SLC35F5: variants seen among roughly 807,000 people sequenced by gnomAD.
SLC35F5 encodes the protein HCV NS5A-transactivated protein 3.
Under a neutral mutation model 68.6 loss-of-function variants are expected in SLC35F5, and 54 were observed. The observed-to-expected ratio is 0.79, with a 90% CI of 0.63 to 0.99. The LOEUF (loss-of-function observed/expected upper bound fraction) is 0.99, where lower values mean the gene tolerates loss of function less well. Ranked by LOEUF, SLC35F5 falls within the 50% of genes least tolerant of loss-of-function variation. SLC35F5 has a pLI of 0.00. For missense variants in SLC35F5, 567 were observed against 626.9 expected (o/e 0.90, Z 1.02); for synonymous variants, 211 against 205.2 (o/e 1.03, Z -0.24).
intron 15 of SLC35F5, chr2:113,717,427 G>C (rs990186518): frequency 1.2e-5 from 2 of 165,522 alleles, no homozygotes; most frequent in African/African-American, 4.8e-5. Context: ...GAATAAAAAT[G>C]AGTTAAAACT....
intron 13 of SLC35F5, among the ~76,000 whole-genome samples, chr2:113,722,147 G>A (rs1226653308): frequency 6.6e-6 from 1 of 151,640 alleles, no homozygotes; most frequent in Non-Finnish European, 1.5e-5. Flanking sequence ...GCTAATTTTT[G>A]TATTTTTAGT....
intron 9 of SLC35F5, among the ~76,000 whole-genome samples, chr2:113,734,172 A>C (rs773698154): frequency 1.3e-5 from 2 of 152,258 alleles, no homozygotes; most frequent in African/African-American, 4.8e-5. Context: ...CCTGAGGCTT[A>C]GACAATTAGA....
intron 10 of SLC35F5, 112 bp downstream of exon 10, chr2:113,731,472 A>G: frequency 1.4e-6 from 1 of 693,762 alleles, no homozygotes; most frequent in Non-Finnish European, 2.4e-6. Flanking sequence ...AAAGTTCAAA[A>G]AAAACCCACC....
At chr2:113,738,559 G>C (rs1229712137) in intron 7 of SLC35F5, among the ~76,000 whole-genome samples, 1 of 151,900 alleles carries the variant, frequency 6.6e-6, no homozygotes, top group Non-Finnish European at 1.5e-5. Flanking sequence ...AATAAACATG[G>C]AGGTACAGAT....
intron 11 of SLC35F5, among the ~76,000 whole-genome samples, chr2:113,728,260 T>C (rs956668230): frequency 2.6e-5 from 4 of 152,240 alleles, no homozygotes; most frequent in Non-Finnish European, 5.9e-5. Flanking sequence ...TAGGTACAAG[T>C]ATTTAATCTA....
intron 4 of SLC35F5, 109 bp downstream of exon 4, chr2:113,750,316 C>A: frequency 9.1e-7 from 1 of 1,094,774 alleles, no homozygotes. Flanking sequence ...ACTCACTTAA[C>A]TGAACAACTT....
chr2:113,725,565 TAA>T (rs776545593), intron 11 of SLC35F5, 28 bp from the exon 12 acceptor site: 7 of 1,531,446 alleles, frequency 4.6e-6, no homozygotes, highest in Non-Finnish European at 6.1e-6. Flanking sequence ...AGACAAGAGT[TAA>T]AATTGATTTA....
At chr2:113,720,731 T>A (rs1365241378) in intron 13 of SLC35F5, among the ~76,000 whole-genome samples, 2 of 152,178 alleles carry the variant, frequency 1.3e-5, no homozygotes, top group Non-Finnish European at 2.9e-5. Context: ...ATAATGCGAT[T>A]AAAAATGTAG....
At chr2:113,721,124 C>T (rs944461443) in intron 13 of SLC35F5, among the ~76,000 whole-genome samples, 1 of 151,854 alleles carries the variant, frequency 6.6e-6, no homozygotes, top group Non-Finnish European at 1.5e-5. Context: ...GCTAACATTT[C>T]AGAAGCTATA....
chr2:113,726,058 T>A (rs1030605977), intron 11 of SLC35F5, among the ~76,000 whole-genome samples: 1 of 152,190 alleles, frequency 6.6e-6, no homozygotes, highest in Non-Finnish European at 1.5e-5. Flanking sequence ...AGAAAGTATG[T>A]ACACACAAAG....
In SLC35F5 at chr2:113,709,319, ACAGGTGTTTGG is replaced by A. The variant is rs1686897676; in HGVS notation, c.*5888_*5898del. 6.6e-6 allele frequency among the ~76,000 whole-genome samples: 1 copy of A among 152,258 alleles called. No individual in the cohort carries two copies. Among genetic ancestry groups the A allele is most frequent in the African/African-American group, 2.4e-5 (1 of 41,474 alleles). ...ACTCTTTACAAAGCACTAAGCACAC[ACAGGTGTTTGG>A]CATTGTCTCTGGAACTACAAAATTA... On this transcript the variant is annotated 3_prime_UTR_variant, in exon 16 of 16. Transcript: ENST00000245680.
At chr2:113,702,985 C>A (rs1210705099), downstream of SLC35F5, among the ~76,000 whole-genome samples, 4 of 152,048 alleles carry the variant, frequency 2.6e-5, no homozygotes, top group African/African-American at 9.7e-5. Context: ...TGGTGTGCAC[C>A]TGTAGTCCCA....
At chr2:113,734,249 G>A (rs556110387) in intron 9 of SLC35F5, among the ~76,000 whole-genome samples, 50 of 152,244 alleles carry the variant, frequency 3.3e-4, no homozygotes, top group African/African-American at 1.2e-3. Context: ...ACAAAGAGGG[G>A]AAATTGCCTT....
chr2:113,746,421 G>C (rs972020380), intron 4 of SLC35F5, 82 bp from the exon 5 acceptor site: 1 of 1,129,056 alleles, frequency 8.9e-7, no homozygotes, highest in Middle Eastern at 2.0e-4. Flanking sequence ...CAGATAAATA[G>C]AAGCAAAAAT....
rs375308753 is a variant in SLC35F5 at position 113,719,321 on chromosome 2, G to C, written c.1342-13C>G. 1.7e-5 allele frequency: 26 copies of C among 1,540,198 alleles called. No homozygotes were observed. The highest frequency in any genetic ancestry group is 2.2e-5 in the Non-Finnish European group (26 of 1,159,574). Reference sequence around the variant, plus strand: ...AAGAAAACTGCACCTAAAAATAAAAGATAGAGGAAAAAACACACCCACAAT... The same window carrying C: ...AAGAAAACTGCACCTAAAAATAAAACATAGAGGAAAAAACACACCCACAAT... On this transcript the variant is annotated splice_polypyrimidine_tract_variant and intron_variant, in intron 13 of 15. Coordinates refer to ENST00000245680, the MANE Select transcript of SLC35F5 (RefSeq NM_025181.5).
Position 113,717,819 on chromosome 2 carries a change from G to C in SLC35F5, c.1528C>G (p.Leu510Val), listed in dbSNP as rs1395801813. ...TGAGAAACACTGTGCATAGAAATGA[G>C]ACTCTCACACTGTTCGCTGTCTTCT... is the stretch of plus-strand genomic sequence containing the variant. ...VPEDSEQCES[L>V]ISMHSVSQED... The change falls in exon 15 of 16, where the codon CTC becomes GTC. Residue 510 changes from leucine to valine, a missense_variant. Physicochemically the swap from Leu to Val is conservative, Grantham distance 32 (BLOSUM62 1). Coordinates refer to ENST00000245680, the MANE Select transcript of SLC35F5 (RefSeq NM_025181.5). 6.2e-7 allele frequency: 1 copy of C among 1,612,980 alleles called. No individual in the cohort carries two copies. The highest frequency in any genetic ancestry group is 8.5e-7 in the Non-Finnish European group (1 of 1,179,524).
At chr2:113,718,630 A>G (rs1687269230) in intron 14 of SLC35F5, among the ~76,000 whole-genome samples, 1 of 151,990 alleles carries the variant, frequency 6.6e-6, no homozygotes, top group African/African-American at 2.4e-5. Flanking sequence ...ACCTGCCTCT[A>G]CTGAAAATAC....
intron 5 of SLC35F5, among the ~76,000 whole-genome samples, chr2:113,744,835 G>C (rs767172493): frequency 8.5e-5 from 13 of 152,190 alleles, no homozygotes; most frequent in Non-Finnish European, 1.6e-4. Context: ...ATTAAAGCCA[G>C]GTTTGTCTAA....
chr2:113,708,045 T>C lies in SLC35F5; in HGVS notation c.*7173A>G, dbSNP rs959797987. 6.6e-6 allele frequency among the ~76,000 whole-genome samples: 1 copy of C among 152,144 alleles called. No individual in the cohort carries two copies. Among genetic ancestry groups the C allele is most frequent in the African/African-American group, 2.4e-5 (1 of 41,444 alleles). On this transcript the variant is annotated 3_prime_UTR_variant, in exon 16 of 16. Transcript: ENST00000245680. ...CTGCTCAGGTTTTGGAAAATAGATC[T>C]TTCAAATGCAATTGCAGTATCCAAG...
Sources: gnomAD v4.1 joint callset for allele counts (sites outside exome capture counted in the v4.1 genomes callset) on GRCh38, gnomAD v4.1.1 for gene constraint, MANE v1.5 for transcripts, NCBI Gene and HGNC (gene_info 2026-07-23, HGNC 2026-07-21) for gene names.